The following SPATA6 variants were observed in gnomAD, a reference collection of about 807,000 sequenced individuals.
SPATA6 encodes spermatogenesis-associated protein 6.
Under a neutral mutation model 65.3 loss-of-function variants are expected in SPATA6, and 56 were observed. The observed-to-expected ratio is 0.86, with a 90% confidence interval of 0.69 to 1.07. The LOEUF (loss-of-function observed/expected upper bound fraction) is 1.07, where lower values mean the gene tolerates loss of function less well. SPATA6 is among the 50% of genes least tolerant of loss of function. The probability of loss-of-function intolerance (pLI) is 0.00; values close to 1 mark genes in which losing one functional copy is unlikely to be tolerated. For missense variants in SPATA6, 590 were observed against 594.8 expected (o/e 0.99, Z 0.08); for synonymous variants, 199 against 213.2 (o/e 0.93, Z 0.58).
At chr1:48,275,635 A>G in the SPATA6 span, among the ~76,000 whole-genome samples, 2 of 152,138 alleles carry the variant, frequency 1.3e-5, no homozygotes, top group African/African-American at 4.8e-5. Flanking sequence ...TCTGTGATGG[A>G]TTACATTGAT....
chr1:48,366,183 G>T (rs1185038354), intron 9 of SPATA6, among the ~76,000 whole-genome samples: 3 of 152,104 alleles, frequency 2.0e-5, no homozygotes, highest in African/African-American at 4.8e-5. Flanking sequence ...ATGTGCTGCT[G>T]GATTCGGTTT....
chr1:48,418,651 G>A (rs573185032), intron 3 of SPATA6, among the ~76,000 whole-genome samples: 1 of 151,458 alleles, frequency 6.6e-6, no homozygotes, highest in East Asian at 1.9e-4. Context: ...TTGAGCCTGG[G>A]AGGCAGAGGT....
the SPATA6 span, among the ~76,000 whole-genome samples, chr1:48,281,509 C>G: frequency 6.6e-6 from 1 of 152,162 alleles, no homozygotes; most frequent in African/African-American, 2.4e-5. Context: ...AATCAATGTA[C>G]AAGAATCACA....
chr1:48,271,941 C>A, the SPATA6 span, among the ~76,000 whole-genome samples: 2 of 152,196 alleles, frequency 1.3e-5, no homozygotes, highest in African/African-American at 4.8e-5. Flanking sequence ...AGGGTAAGCT[C>A]CTTGAGTTCA....
chr1:48,435,924 T>C (rs1416827247), intron 3 of SPATA6: 2 of 1,556,170 alleles, frequency 1.3e-6, no homozygotes, highest in Admixed American at 1.7e-5. Context: ...TTCTTTGGAA[T>C]AGATGGATTT....
intron 12 of SPATA6, among the ~76,000 whole-genome samples, chr1:48,301,954 G>A (rs1469513994): frequency 6.6e-6 from 1 of 152,114 alleles, no homozygotes; most frequent in East Asian, 1.9e-4. Flanking sequence ...AATGCTTTAG[G>A]ATATTGATCT....
intron 7 of SPATA6, among the ~76,000 whole-genome samples, chr1:48,398,062 A>G (rs1650772143): frequency 6.6e-6 from 1 of 151,582 alleles, no homozygotes; most frequent in South Asian, 2.1e-4. Flanking sequence ...TTTAATTTGT[A>G]ATTGTGGGAA....
In SPATA6 at chr1:48,409,157, G is replaced by A. The variant is rs976497319; in HGVS notation, c.405+2307C>T. 8.5e-5 allele frequency among the ~76,000 whole-genome samples: 13 copies of A among 152,196 alleles called. No individual in the cohort carries two copies. The East Asian group carries it at 9.6e-4, about 11-fold the overall frequency. On this transcript the variant is annotated intron_variant, in intron 5 of 12. Transcript: ENST00000371847. ...CAAGTTAGTACTTCCTAGATACAAC[G>A]GGGGTATAGGCATTGAGTAAATACA...
chr1:48,319,145 G>A (rs1645525933), intron 11 of SPATA6, among the ~76,000 whole-genome samples: 1 of 152,048 alleles, frequency 6.6e-6, no homozygotes, highest in Non-Finnish European at 1.5e-5. Flanking sequence ...TAAATGTAAA[G>A]GCCAATACTG....
At chr1:48,419,145 T>C (rs1436087138) in intron 3 of SPATA6, among the ~76,000 whole-genome samples, 1 of 152,192 alleles carries the variant, frequency 6.6e-6, no homozygotes, top group East Asian at 1.9e-4. Flanking sequence ...CTTCTGTGTG[T>C]CAAGACTAAG....
intron 9 of SPATA6, among the ~76,000 whole-genome samples, chr1:48,362,937 C>A (rs1412907047): frequency 1.3e-5 from 2 of 152,038 alleles, no homozygotes; most frequent in Non-Finnish European, 2.9e-5. Context: ...TTATTAAGCA[C>A]CTTCTGCATA....
chr1:48,269,640 T>G, the SPATA6 span, among the ~76,000 whole-genome samples: 1 of 152,086 alleles, frequency 6.6e-6, no homozygotes, highest in Non-Finnish European at 1.5e-5. Flanking sequence ...ATTTCATAGG[T>G]AGACAAAGAT....
Position 48,411,603 on chromosome 1 carries a change from C to A in SPATA6, c.281-15G>T. 5 of 1,525,026 alleles carry A rather than the reference C, an allele frequency of 3.3e-6. No homozygotes were observed. Among genetic ancestry groups the A allele is most frequent in the Non-Finnish European group, 4.4e-6 (5 of 1,137,542 alleles). The allele number at this position is 1,525,026 out of a possible 1,614,324, so 94.5% of individuals were successfully genotyped here. On this transcript the variant is annotated splice_polypyrimidine_tract_variant and intron_variant, in intron 4 of 12. Coordinates refer to ENST00000371847, the MANE Select transcript of SPATA6 (RefSeq NM_019073.4). Reference sequence around the variant, plus strand: ...TGTTTCACCCACTACAAGAAAGATACCCTATGATTCAAATTATAATAAAAT... The same window carrying A: ...TGTTTCACCCACTACAAGAAAGATAACCTATGATTCAAATTATAATAAAAT...
chr1:48,286,243 T>C, the SPATA6 span, among the ~76,000 whole-genome samples: 1 of 152,240 alleles, frequency 6.6e-6, no homozygotes, highest in Non-Finnish European at 1.5e-5. Context: ...AAGAACTGCA[T>C]TGAATATGGA....
chr1:48,434,259 G>GAAAAAAAA (rs530291772), intron 3 of SPATA6, among the ~76,000 whole-genome samples: 12 of 109,832 alleles, frequency 1.1e-4, no homozygotes, highest in East Asian at 2.6e-4. Context: ...AGCAGTGAAA[G>GAAAAAAAA]AAAAAAAAAA....
intron 8 of SPATA6, among the ~76,000 whole-genome samples, chr1:48,385,862 A>G (rs1377525417): frequency 6.6e-6 from 1 of 152,198 alleles, no homozygotes. Context: ...CCTTGGGCAT[A>G]TAACTTAATC....
At chr1:48,360,207 C>A (rs1646772040) in intron 9 of SPATA6, among the ~76,000 whole-genome samples, 1 of 151,924 alleles carries the variant, frequency 6.6e-6, no homozygotes, top group Non-Finnish European at 1.5e-5. Context: ...TCAGAAAAGA[C>A]AAATGAATAA....
chr1:48,367,740 C>T (rs1348463621), intron 9 of SPATA6, among the ~76,000 whole-genome samples: 2 of 152,194 alleles, frequency 1.3e-5, no homozygotes, highest in African/African-American at 2.4e-5. Flanking sequence ...TGGGTCTTGA[C>T]TCTTTATCCA....
chr1:48,450,431 A>G (rs1656459415), intron 3 of SPATA6, among the ~76,000 whole-genome samples: 1 of 152,160 alleles, frequency 6.6e-6, no homozygotes, highest in African/African-American at 2.4e-5. Flanking sequence ...CAAAATTTCA[A>G]ATCAAATGGG....
Sources: gnomAD v4.1 joint callset for allele counts (sites outside exome capture counted in the v4.1 genomes callset) on GRCh38, gnomAD v4.1.1 for gene constraint, MANE v1.5 for transcripts, NCBI Gene and HGNC (gene_info 2026-07-23, HGNC 2026-07-21) for gene names.